The following CTIF variants were observed in gnomAD, a reference collection of about 807,000 sequenced individuals.
CTIF encodes the protein cap binding complex dependent translation initiation factor, also known as CBP80/20-dependent translation initiation factor.
A neutral mutation model predicts 66.0 loss-of-function variants in CTIF; 21 were observed. The observed-to-expected ratio is 0.32, with a 90% confidence interval of 0.23 to 0.46. CTIF has a LOEUF of 0.46. CTIF is among the 20% of genes least tolerant of loss of function. The pLI is 1.00. For synonymous variants in CTIF, 345 were observed against 326.4 expected (o/e 1.06, Z -0.62); for missense variants, 739 against 812.7 (o/e 0.91, Z 1.10).
intron 7 of CTIF, among the ~76,000 whole-genome samples, chr18:48,725,583 G>A (rs11661260): frequency 1.3e-5 from 2 of 151,998 alleles, no homozygotes; most frequent in African/African-American, 2.4e-5. Context: ...ACTCTCATGC[G>A]GCCCCTTTTG....
intron 6 of CTIF, among the ~76,000 whole-genome samples, chr18:48,691,265 A>AGGGATTGTGC (rs1325951055): frequency 1.3e-5 from 2 of 152,274 alleles, no homozygotes; most frequent in East Asian, 3.9e-4. Context: ...CTAGAAACAA[A>AGGGATTGTGC]GGGATTGTGC....
chr18:48,847,799 C>G (rs2069113306), intron 10 of CTIF, among the ~76,000 whole-genome samples: 1 of 152,204 alleles, frequency 6.6e-6, no homozygotes, highest in South Asian at 2.1e-4. Flanking sequence ...AGGGGCTGGT[C>G]TTAGTGTGTA....
At chr18:48,624,808 T>C (rs2090565074) in intron 2 of CTIF, among the ~76,000 whole-genome samples, 1 of 152,174 alleles carries the variant, frequency 6.6e-6, no homozygotes, top group South Asian at 2.1e-4. Flanking sequence ...AAAGATAACA[T>C]GTAGGAACCC....
chr18:48,594,417 C>G (rs1449225704), intron 1 of CTIF, among the ~76,000 whole-genome samples: 1 of 145,238 alleles, frequency 6.9e-6, no homozygotes, highest in Non-Finnish European at 1.5e-5. Flanking sequence ...TGGATCTGTG[C>G]TCCTGACTGC....
intron 1 of CTIF, among the ~76,000 whole-genome samples, chr18:48,618,042 A>G (rs11665652): frequency 0.089 from 13,481 of 152,218 alleles, 682 homozygotes; most frequent in Middle Eastern, 0.15. Context: ...CTTCCTCTCC[A>G]TTCCCTCACC....
chr18:48,671,845 A>T (rs1462479949), intron 6 of CTIF, among the ~76,000 whole-genome samples: 1 of 148,000 alleles, frequency 6.8e-6, no homozygotes, highest in Non-Finnish European at 1.5e-5. Flanking sequence ...TTCATTTTGG[A>T]TAGCTTTTAT....
At chr18:48,695,512 T>C (rs10502894) in intron 6 of CTIF, among the ~76,000 whole-genome samples, 2,320 of 152,308 alleles carry the variant, frequency 0.015, 58 homozygotes, top group African/African-American at 0.053. Flanking sequence ...TAGGCTTTGA[T>C]GTTAGAGAAC....
rs1417171514 is a variant in CTIF at position 48,845,380 on chromosome 18, G to A, written c.1528-12208G>A. On this transcript the variant is annotated intron_variant, in intron 10 of 11. Coordinates refer to ENST00000256413, the MANE Select transcript of CTIF (RefSeq NM_014772.3). ...CCAAATCCAGGGGACCTTGGTCATTGTTCGTTTTACTTGACCTCTCTGAGC... is the reference window on the plus strand; with the variant it reads ...CCAAATCCAGGGGACCTTGGTCATTATTCGTTTTACTTGACCTCTCTGAGC... Among the ~76,000 whole-genome samples, 3 of 152,172 alleles carry A rather than the reference G, an allele frequency of 2.0e-5. No homozygotes were observed. In the East Asian group the frequency reaches 5.8e-4, roughly 29 times the overall value.
At chr18:48,737,616 T>C (rs1238828649) in intron 7 of CTIF, among the ~76,000 whole-genome samples, 1 of 149,152 alleles carries the variant, frequency 6.7e-6, no homozygotes, top group African/African-American at 2.5e-5. Flanking sequence ...TAATGTTAAC[T>C]GAAAAAAAAA....
At chr18:48,577,866 T>C (rs1222807105) in intron 1 of CTIF, among the ~76,000 whole-genome samples, 1 of 152,252 alleles carries the variant, frequency 6.6e-6, no homozygotes, top group African/African-American at 2.4e-5. Context: ...TGAGCCACTA[T>C]GTCCAGCCTA....
At chr18:48,660,309 G>T (rs943141950) in intron 3 of CTIF, among the ~76,000 whole-genome samples, 1 of 151,852 alleles carries the variant, frequency 6.6e-6, no homozygotes, top group South Asian at 2.1e-4. Context: ...GGTTGCCACC[G>T]TGACTCCACC....
In CTIF at chr18:48,559,857, C is replaced by G. The variant is rs372143496; in HGVS notation, c.-29+20545C>G. 1.4e-4 allele frequency among the ~76,000 whole-genome samples: 21 copies of G among 152,244 alleles called. No homozygotes were observed. The East Asian group carries it at 3.9e-3, about 28-fold the overall frequency. On this transcript the variant is annotated intron_variant, in intron 1 of 11. Transcript: ENST00000256413. ...AAAACGACCTGTTGGGTACAGTGTTCACTATTCAGGCATGAGTACACTAAA... is the reference window on the plus strand; with the variant it reads ...AAAACGACCTGTTGGGTACAGTGTTGACTATTCAGGCATGAGTACACTAAA...
At chr18:48,782,861 CG>C (rs1911366973) in intron 9 of CTIF, among the ~76,000 whole-genome samples, 2 of 152,054 alleles carry the variant, frequency 1.3e-5, no homozygotes, top group South Asian at 4.1e-4. Flanking sequence ...GCCTGTGGCC[CG>C]GGGCAGCTGC....
At position 48,860,985 on chromosome 18, in the gene CTIF, C is replaced by G. The variant is rs1439301772; in HGVS notation, c.*1426C>G. On this transcript the variant is annotated 3_prime_UTR_variant, in exon 12 of 12. Coordinates refer to ENST00000256413, the MANE Select transcript of CTIF (RefSeq NM_014772.3). The stretch of plus-strand genomic sequence containing the variant: ...GAGCACACACTTTGATGAGCCCCCC[C>G]GGAAATGATGTCAGAGCCTAGCCGC... 1.3e-5 allele frequency: 2 copies of G among 152,248 alleles called. No individual in the cohort carries two copies. Among genetic ancestry groups the G allele is most frequent in the Admixed American group, 1.3e-4 (2 of 15,282 alleles). 9.4% of individuals were successfully genotyped at this position (152,248 alleles called of 1,614,324 possible). A position where few individuals can be genotyped will look rare whatever the true frequency, so the allele number is the denominator to read the frequency against.
rs763456584 is a variant in CTIF at position 48,859,820 on chromosome 18, C to T, written c.*261C>T. The T allele has an allele frequency of 1.6e-6, 1 of 639,318 alleles. No individual in the cohort carries two copies. The highest frequency in any genetic ancestry group is 2.9e-6 in the Non-Finnish European group (1 of 344,284). 39.6% of individuals were successfully genotyped at this position (639,318 alleles called of 1,614,324 possible). A position where few individuals can be genotyped will look rare whatever the true frequency, so the allele number is the denominator to read the frequency against. On this transcript the variant is annotated 3_prime_UTR_variant, in exon 12 of 12. Transcript: ENST00000256413. ...GTTTCTTTTTCCTGGTGGCCCTGGC[C>T]CTCCCCTTCCTCACTCCCGCCTCTC...
intron 1 of CTIF, among the ~76,000 whole-genome samples, chr18:48,581,651 G>T (rs796774392): frequency 2.3e-4 from 35 of 152,290 alleles, no homozygotes; most frequent in African/African-American, 8.4e-4. Flanking sequence ...CAGGGGTCGG[G>T]CAGCCAGTGA....
At chr18:48,617,007 G>C (rs1176689047) in intron 1 of CTIF, among the ~76,000 whole-genome samples, 3 of 152,260 alleles carry the variant, frequency 2.0e-5, no homozygotes, top group African/African-American at 7.2e-5. Context: ...CTGTAAGTCA[G>C]AAGTCTGGCA....
chr18:48,646,465 G>A (rs768354678), intron 3 of CTIF, among the ~76,000 whole-genome samples: 4 of 151,826 alleles, frequency 2.6e-5, no homozygotes, highest in Non-Finnish European at 5.9e-5. Flanking sequence ...AAAAAGTGAC[G>A]GCCAAGAGCG....
intron 6 of CTIF, among the ~76,000 whole-genome samples, chr18:48,677,353 T>C (rs77035903): frequency 0.011 from 1,674 of 152,304 alleles, 9 homozygotes; most frequent in Middle Eastern, 0.037. Flanking sequence ...TCCCAGGCAT[T>C]GTCTTATAGC....
Sources: allele counts gnomAD v4.1 joint callset (sites outside exome capture counted in the v4.1 genomes callset), GRCh38; gene constraint gnomAD v4.1.1; transcripts MANE v1.5; gene names NCBI Gene and HGNC (gene_info 2026-07-23, HGNC 2026-07-21).